The following GATAD2B variants were observed in gnomAD, a reference collection of about 807,000 sequenced individuals.
GATAD2B encodes the protein transcriptional repressor p66-beta.
A neutral mutation model predicts 64.3 loss-of-function variants in GATAD2B; 8 were observed. That is an observed-to-expected ratio of 0.12 (90% CI 0.07 to 0.22). GATAD2B has a LOEUF of 0.22. Among genes scored for constraint, GATAD2B ranks in the 10% least tolerant of loss-of-function variants. GATAD2B has a pLI of 1.00. For missense variants in GATAD2B, 453 were observed against 752.0 expected, an observed-to-expected ratio of 0.60 and a Z score of 4.65; for synonymous variants, 281 against 271.3, an observed-to-expected ratio of 1.04 and a Z score of -0.35.
intron 1 of GATAD2B, among the ~76,000 whole-genome samples, chr1:153,884,196 T>C (rs552270910): frequency 4.8e-4 from 73 of 152,226 alleles, no homozygotes; most frequent in Non-Finnish European, 7.5e-4. Context: ...ATCCCAGCAC[T>C]TTGGGAGGCC....
At chr1:153,913,247 T>C (rs1168263029) in intron 1 of GATAD2B, among the ~76,000 whole-genome samples, 3 of 152,082 alleles carry the variant, frequency 2.0e-5, no homozygotes, top group Non-Finnish European at 4.4e-5. Flanking sequence ...TTCTTAAAGT[T>C]TTGATTTAAT....
chr1:153,910,388 T>C (rs1016210355), intron 1 of GATAD2B, among the ~76,000 whole-genome samples: 2 of 152,206 alleles, frequency 1.3e-5, no homozygotes, highest in Non-Finnish European at 2.9e-5. Flanking sequence ...ACCATTCTGG[T>C]TTACACCTTT....
chr1:153,822,774 G>A (rs1332138572), intron 2 of GATAD2B, among the ~76,000 whole-genome samples: 1 of 152,156 alleles, frequency 6.6e-6, no homozygotes, highest in Admixed American at 6.6e-5. Context: ...TGGGATTACA[G>A]GCATGAGCCA....
intron 1 of GATAD2B, among the ~76,000 whole-genome samples, chr1:153,848,672 C>A (rs1168183598): frequency 6.6e-6 from 1 of 151,988 alleles, no homozygotes. Flanking sequence ...TGTCTTAGTC[C>A]ATTATGCATG....
At chr1:153,861,876 G>GTA (rs138235023) in intron 1 of GATAD2B, among the ~76,000 whole-genome samples, 1,452 of 144,094 alleles carry the variant, frequency 0.01, 34 homozygotes, top group African/African-American at 0.033. Context: ...ATATATATGT[G>GTA]TATATATATA....
intron 1 of GATAD2B, chr1:153,890,467 G>A (rs1052257986): frequency 7.6e-6 from 1 of 132,320 alleles, no homozygotes; most frequent in Non-Finnish European, 1.6e-5. Context: ...CAGCCTAGGC[G>A]AAAGAACAAG....
chr1:153,826,731 A>G (rs1011150419), intron 2 of GATAD2B, among the ~76,000 whole-genome samples: 1 of 151,922 alleles, frequency 6.6e-6, no homozygotes, highest in African/African-American at 2.4e-5. Context: ...CTTGAGGCTG[A>G]GAGTTTGAGA....
At chr1:153,825,568 T>G (rs1674844583) in intron 2 of GATAD2B, among the ~76,000 whole-genome samples, 1 of 152,042 alleles carries the variant, frequency 6.6e-6, no homozygotes. Flanking sequence ...GGAACACAGG[T>G]GTGTGCCACC....
At chr1:153,819,915 A>G (rs1252347316) in intron 2 of GATAD2B, among the ~76,000 whole-genome samples, 180 bp from the exon 3 acceptor site, 2 of 152,108 alleles carry the variant, frequency 1.3e-5, no homozygotes, top group African/African-American at 2.4e-5. Context: ...CCTGACCGAC[A>G]TGGTGAAACC....
At chr1:153,866,011 C>A (rs920533618) in intron 1 of GATAD2B, among the ~76,000 whole-genome samples, 21 of 152,042 alleles carry the variant, frequency 1.4e-4, no homozygotes, top group African/African-American at 5.1e-4. Context: ...TCAAGACCAG[C>A]CTGGCCAACA....
At chr1:153,876,227 C>CACAAAAAAA (rs1676826576) in intron 1 of GATAD2B, among the ~76,000 whole-genome samples, 1 of 48,406 alleles carries the variant, frequency 2.1e-5, no homozygotes, top group Non-Finnish European at 3.5e-5. Context: ...GACTTCGTCT[C>CACAAAAAAA]AAAAAAAAAA....
At chr1:153,887,491 C>T (rs558438636) in intron 1 of GATAD2B, among the ~76,000 whole-genome samples, 2 of 152,262 alleles carry the variant, frequency 1.3e-5, no homozygotes, top group African/African-American at 4.8e-5. Flanking sequence ...GGTACACTAC[C>T]TTATAATGCA....
intron 1 of GATAD2B, chr1:153,852,719 A>G: frequency 1.1e-6 from 1 of 933,408 alleles, no homozygotes. Flanking sequence ...GCTCATACGA[A>G]GTGAAGCTTG....
intron 1 of GATAD2B, among the ~76,000 whole-genome samples, chr1:153,889,933 G>C (rs1326806299): frequency 3.3e-5 from 5 of 151,950 alleles, no homozygotes; most frequent in Non-Finnish European, 7.4e-5. Flanking sequence ...CAGCACTTTG[G>C]GAGGCCAAGG....
intron 1 of GATAD2B, among the ~76,000 whole-genome samples, chr1:153,833,196 C>G (rs1675137773): frequency 3.3e-5 from 5 of 152,084 alleles, no homozygotes; most frequent in African/African-American, 1.2e-4. Context: ...CCAGCCTGGA[C>G]AACATAGCAA....
intron 2 of GATAD2B, among the ~76,000 whole-genome samples, chr1:153,820,974 ATTTTTTTTTTTTTTT>A (rs869096882): frequency 3.3e-4 from 17 of 50,868 alleles, no homozygotes; most frequent in Admixed American, 9.7e-4. Flanking sequence ...GGCACATGGA[ATTTTTTTTTTTTTTT>A]TTTTTTTTTT....
chr1:153,885,342 TCATAGATGATTTCACC>T (rs1557822112), intron 1 of GATAD2B, among the ~76,000 whole-genome samples: 1 of 152,066 alleles, frequency 6.6e-6, no homozygotes, highest in Non-Finnish European at 1.5e-5. Flanking sequence ...TGATCTCCAC[TCATAGATGATTTCACC>T]CAGGACTACT....
chr1:153,853,139 C>G, intron 1 of GATAD2B: 1 of 1,433,622 alleles, frequency 7.0e-7, no homozygotes, highest in Non-Finnish European at 9.8e-7. Context: ...GCAGTCTCTC[C>G]TCAATCCTGT....
intron 1 of GATAD2B, among the ~76,000 whole-genome samples, chr1:153,882,992 TTCTC>T (rs1012084759): frequency 6.6e-6 from 1 of 152,180 alleles, no homozygotes; most frequent in Admixed American, 6.5e-5. Flanking sequence ...TCTAGGATCT[TTCTC>T]TATCTGATCA....
Sources: allele counts gnomAD v4.1 joint callset (sites outside exome capture counted in the v4.1 genomes callset), GRCh38; gene constraint gnomAD v4.1.1; transcripts MANE v1.5; gene names NCBI Gene and HGNC (gene_info 2026-07-23, HGNC 2026-07-21).